CHODL: variants seen among roughly 807,000 people sequenced by gnomAD.
CHODL encodes transmembrane protein MT75.
In CHODL, 29 loss-of-function variants were observed where a neutral mutation model predicts 34.5. The observed-to-expected ratio is 0.84, with a 90% CI of 0.63 to 1.15. CHODL has a LOEUF of 1.15. Ranked by LOEUF, CHODL falls within the 50% of genes most tolerant of loss-of-function variation. The probability of loss-of-function intolerance (pLI) is 0.00; values close to 1 mark genes in which losing one functional copy is unlikely to be tolerated. For synonymous variants in CHODL, 125 were observed against 116.1 expected (o/e 1.08, Z -0.49); for missense variants, 332 against 332.5 (o/e 1.00, Z 0.01).
At chr21:18,046,082 A>G (rs1401383469) in intron 2 of CHODL, among the ~76,000 whole-genome samples, 1 of 152,002 alleles carries the variant, frequency 6.6e-6, no homozygotes, top group Non-Finnish European at 1.5e-5. Context: ...TCAGAACACT[A>G]ATACACCTGA....
At chr21:17,960,976 T>C (rs197565) in intron 1 of CHODL, among the ~76,000 whole-genome samples, 2,045 of 152,336 alleles carry the variant, frequency 0.013, 44 homozygotes, top group African/African-American at 0.046. Context: ...TTTAGTTTCT[T>C]TATTTCAATA....
chr21:18,068,454 C>G (rs1194627179), intron 2 of CHODL, among the ~76,000 whole-genome samples: 2 of 152,194 alleles, frequency 1.3e-5, no homozygotes, highest in Non-Finnish European at 2.9e-5. Context: ...GCCTTGGCCT[C>G]TCAAAGTGCT....
chr21:18,163,157 A>G (rs1003003843), intron 2 of CHODL, among the ~76,000 whole-genome samples: 1 of 152,232 alleles, frequency 6.6e-6, no homozygotes, highest in African/African-American at 2.4e-5. Flanking sequence ...ATTTTGGTAC[A>G]TATATGTAAG....
At chr21:17,967,705 A>G (rs2063583333) in intron 1 of CHODL, among the ~76,000 whole-genome samples, 1 of 151,130 alleles carries the variant, frequency 6.6e-6, no homozygotes, top group South Asian at 2.1e-4. Context: ...GAGTGCAAAA[A>G]AGTGCAAGGA....
intron 2 of CHODL, among the ~76,000 whole-genome samples, chr21:18,212,162 T>C (rs1177412246): frequency 6.6e-6 from 1 of 152,152 alleles, no homozygotes; most frequent in Non-Finnish European, 1.5e-5. Flanking sequence ...TGATGTCTAA[T>C]ATGTTTATTG....
intron 1 of CHODL, among the ~76,000 whole-genome samples, chr21:18,023,487 C>T (rs938342503): frequency 2.6e-5 from 4 of 151,926 alleles, no homozygotes; most frequent in Non-Finnish European, 4.4e-5. Flanking sequence ...AAAAGGATGT[C>T]GCGAACCCAA....
intron 1 of CHODL, among the ~76,000 whole-genome samples, chr21:18,248,646 ATATT>A (rs939670142): frequency 7.7e-6 from 1 of 129,544 alleles, no homozygotes; most frequent in African/African-American, 3.0e-5. Context: ...ATATATGTAT[ATATT>A]ATATACATAT....
chr21:18,172,175 C>A (rs754481066), intron 2 of CHODL, among the ~76,000 whole-genome samples: 48 of 152,000 alleles, frequency 3.2e-4, no homozygotes, highest in Non-Finnish European at 5.2e-4. Flanking sequence ...TTCTTTTGAG[C>A]CTCTTATTTG....
chr21:18,144,530 TA>T (rs2072843359), intron 2 of CHODL, among the ~76,000 whole-genome samples: 1 of 152,188 alleles, frequency 6.6e-6, no homozygotes, highest in Non-Finnish European at 1.5e-5. Context: ...GCAATTTCAG[TA>T]AGTGCTTACC....
At chr21:17,988,263 T>C (rs1235008643) in intron 1 of CHODL, among the ~76,000 whole-genome samples, 1 of 152,110 alleles carries the variant, frequency 6.6e-6, no homozygotes, top group Non-Finnish European at 1.5e-5. Context: ...GTTGATACAA[T>C]GTGGCATTCA....
intron 2 of CHODL, among the ~76,000 whole-genome samples, chr21:18,199,877 G>C (rs912481252): frequency 5.9e-5 from 9 of 152,128 alleles, no homozygotes; most frequent in Admixed American, 2.0e-4. Context: ...GTTGTTTCCA[G>C]ATTGGGGCAG....
At chr21:18,222,498 C>G (rs2073893865) in intron 2 of CHODL, among the ~76,000 whole-genome samples, 1 of 152,136 alleles carries the variant, frequency 6.6e-6, no homozygotes, top group African/African-American at 2.4e-5. Context: ...CCTGGCAGCT[C>G]CTTATACTAT....
At chr21:17,953,145 A>G (rs2063472072) in intron 1 of CHODL, among the ~76,000 whole-genome samples, 1 of 152,208 alleles carries the variant, frequency 6.6e-6, no homozygotes, top group Non-Finnish European at 1.5e-5. Context: ...TACTGAAGTA[A>G]AATATTTGAC....
Position 18,211,572 on chromosome 21 carries a change from G to A in CHODL, c.-44-44937G>A, listed in dbSNP as rs961815564. On this transcript the variant is annotated intron_variant, in intron 2 of 6. Coordinates refer to the CHODL transcript ENST00000400127. ...GAAATTCTATGCCTGAGACCCACAG[G>A]TTTCAAGATGGATTGATAAGTCACT... Among the ~76,000 whole-genome samples the A allele has an allele frequency of 1.6e-4, 24 of 152,324 alleles. No homozygotes were observed. In the East Asian group the frequency reaches 4.6e-3, roughly 29 times the overall value.
chr21:18,121,406 C>T (rs2065477813), intron 2 of CHODL, among the ~76,000 whole-genome samples: 1 of 152,210 alleles, frequency 6.6e-6, no homozygotes, highest in African/African-American at 2.4e-5. Context: ...TAGAGGATAA[C>T]TCCAGTACTG....
intron 2 of CHODL, among the ~76,000 whole-genome samples, chr21:18,106,039 T>C (rs1400624259): frequency 6.6e-6 from 1 of 152,136 alleles, no homozygotes; most frequent in African/African-American, 2.4e-5. Context: ...CTTATTGCAA[T>C]AGTGTTCAGG....
Position 18,245,132 on chromosome 21 carries a change from G to T in CHODL, c.-92G>T. ...GGCGGGAGTAGGGCCCGGCAGGGAG[G>T]CAGGGAGGCTGCAGAGTCAGAGTCG... is the stretch of plus-strand genomic sequence containing the variant. On this transcript the variant is annotated 5_prime_UTR_variant, in exon 1 of 6. Coordinates refer to ENST00000299295, the MANE Select transcript of CHODL (RefSeq NM_024944.3). 8.8e-7 allele frequency: 1 copy of T among 1,132,222 alleles called. No individual in the cohort carries two copies. The highest frequency in any genetic ancestry group is 1.2e-6 in the Non-Finnish European group (1 of 831,514). 70.1% of individuals were successfully genotyped at this position (1,132,222 alleles called of 1,614,324 possible). A position where few individuals can be genotyped will look rare whatever the true frequency, so the allele number is the denominator to read the frequency against.
At chr21:18,015,307 TTC>T (rs538168027) in intron 1 of CHODL, among the ~76,000 whole-genome samples, 170 of 152,244 alleles carry the variant, frequency 1.1e-3, no homozygotes, top group African/African-American at 3.7e-3. Flanking sequence ...CCCCTTTGCC[TTC>T]TCTCTCTCCT....
At chr21:18,194,918 G>C (rs1187213000) in intron 2 of CHODL, among the ~76,000 whole-genome samples, 2 of 152,002 alleles carry the variant, frequency 1.3e-5, no homozygotes, top group South Asian at 2.1e-4. Context: ...CTGAGCTTAA[G>C]TTAACATATG....
Sources: gnomAD v4.1 joint callset for allele counts (sites outside exome capture counted in the v4.1 genomes callset) on GRCh38, gnomAD v4.1.1 for gene constraint, MANE v1.5 for transcripts, NCBI Gene and HGNC (gene_info 2026-07-23, HGNC 2026-07-21) for gene names.